The following PRKG1 variants were observed in gnomAD, a reference collection of about 807,000 sequenced individuals.
PRKG1 encodes cGMP-dependent protein kinase 1.
A neutral mutation model predicts 88.1 loss-of-function variants in PRKG1; 35 were observed. That is an observed-to-expected ratio of 0.40 (90% CI 0.30 to 0.53). PRKG1 has a LOEUF of 0.53. Ranked by LOEUF, PRKG1 falls within the 20% of genes least tolerant of loss-of-function variation. PRKG1 has a pLI of 0.59. For missense variants in PRKG1, 540 were observed against 839.8 expected (o/e 0.64, Z 4.41); for synonymous variants, 303 against 292.5 (o/e 1.04, Z -0.37).
intron 3 of PRKG1, among the ~76,000 whole-genome samples, chr10:51,671,905 G>A (rs1356279867): frequency 1.3e-5 from 2 of 152,044 alleles, no homozygotes; most frequent in African/African-American, 4.8e-5. Flanking sequence ...CTCTACTCCA[G>A]TATGACCTTT....
At chr10:51,366,812 C>T (rs1588885474) in intron 2 of PRKG1, among the ~76,000 whole-genome samples, 1 of 151,836 alleles carries the variant, frequency 6.6e-6, no homozygotes, top group African/African-American at 2.4e-5. Flanking sequence ...TCAAGTCTCT[C>T]ATTATTTTAA....
intron 2 of PRKG1, among the ~76,000 whole-genome samples, chr10:51,181,523 G>A (rs1200963178): frequency 3.3e-5 from 5 of 151,354 alleles, no homozygotes; most frequent in Non-Finnish European, 7.4e-5. Context: ...TTACAGGCGT[G>A]AGCCACCGCG....
At chr10:51,855,612 TCTC>T (rs930233490) in intron 4 of PRKG1, among the ~76,000 whole-genome samples, 1 of 152,194 alleles carries the variant, frequency 6.6e-6, no homozygotes, top group Admixed American at 6.5e-5. Flanking sequence ...CAAATTATTT[TCTC>T]CTATTTAAGG....
Position 51,168,750 on chromosome 10 carries a change from A to G in PRKG1, c.478+15420A>G, listed in dbSNP as rs1020886808. On this transcript the variant is annotated intron_variant, in intron 2 of 17. Transcript: ENST00000373980. ...ATATCTAGAACCGTGTTACAAAAGA[A>G]ATGTCTCTTAAATAGTCTTGATAAA... Among the ~76,000 whole-genome samples the G allele has an allele frequency of 2.2e-4, 33 of 152,196 alleles. 1 individual carries two copies. The highest frequency in any genetic ancestry group is 5.9e-5 in the Non-Finnish European group (4 of 68,010).
At position 52,079,331 on chromosome 10, in the gene PRKG1, A is replaced by T. The variant is rs550024054; in HGVS notation, c.935+16700A>T. On this transcript the variant is annotated intron_variant, in intron 7 of 17. Transcript: ENST00000373980. ...TCCCAGTATATCAAAGCACCACAAC[A>T]CTAGACTCAGGCAGTAGGACCCCTG... Among the ~76,000 whole-genome samples the T allele has an allele frequency of 3.9e-5, 6 of 152,170 alleles. No individual in the cohort carries two copies. In the South Asian group the frequency reaches 1.2e-3, roughly 32 times the overall value.
At chr10:51,831,841 A>C (rs752055179) in intron 4 of PRKG1, among the ~76,000 whole-genome samples, 6 of 152,194 alleles carry the variant, frequency 3.9e-5, no homozygotes, top group Non-Finnish European at 5.9e-5. Flanking sequence ...GTAGGTGGGC[A>C]AGAAGTAGGA....
intron 7 of PRKG1, among the ~76,000 whole-genome samples, chr10:52,079,735 G>T (rs139629566): frequency 6.8e-4 from 104 of 152,290 alleles, no homozygotes; most frequent in African/African-American, 2.4e-3. Context: ...GTCACCTATT[G>T]CCATATGGTT....
chr10:51,984,043 C>T (rs554477423), intron 5 of PRKG1, among the ~76,000 whole-genome samples: 29 of 152,256 alleles, frequency 1.9e-4, no homozygotes, highest in Admixed American at 1.6e-3. Context: ...CAGTCACTTA[C>T]GTTAAGAAGT....
At chr10:51,914,420 C>A (rs1475457178) in intron 5 of PRKG1, among the ~76,000 whole-genome samples, 1 of 152,028 alleles carries the variant, frequency 6.6e-6, no homozygotes, top group Non-Finnish European at 1.5e-5. Context: ...TTGAGGAAAA[C>A]CGAACTTTAT....
At chr10:51,216,540 G>A (rs1419155296) in intron 2 of PRKG1, among the ~76,000 whole-genome samples, 2 of 152,130 alleles carry the variant, frequency 1.3e-5, no homozygotes, top group East Asian at 3.8e-4. Flanking sequence ...ACCGTTTCAG[G>A]ACATTGGTGT....
chr10:51,175,624 A>G (rs1434716334), intron 2 of PRKG1, among the ~76,000 whole-genome samples: 1 of 152,014 alleles, frequency 6.6e-6, no homozygotes, highest in Non-Finnish European at 1.5e-5. Context: ...AATTCCTGAG[A>G]TATATATTTA....
chr10:51,609,897 T>C (rs557281446), intron 3 of PRKG1, among the ~76,000 whole-genome samples: 2 of 152,214 alleles, frequency 1.3e-5, no homozygotes, highest in African/African-American at 2.4e-5. Flanking sequence ...CTGGGCTTAA[T>C]ACCTAGGCGA....
chr10:52,133,560 C>T (rs535075478), intron 7 of PRKG1, among the ~76,000 whole-genome samples: 1 of 152,080 alleles, frequency 6.6e-6, no homozygotes, highest in South Asian at 2.1e-4. Context: ...TTATTAATTT[C>T]CCCAAAGGGA....
In PRKG1 at chr10:51,457,375, A is replaced by G. The variant is rs531878010; in HGVS notation, c.479-10348A>G. ...CTCACTTATAAGTGGGAGCTAAGCT[A>G]TAAGGACACAAAGACATAAGAATGA... On this transcript the variant is annotated intron_variant, in intron 2 of 17. Transcript: ENST00000373980. Among the ~76,000 whole-genome samples the G allele has an allele frequency of 2.6e-5, 4 of 152,288 alleles. No individual in the cohort carries two copies. The East Asian group carries it at 5.8e-4, about 22-fold the overall frequency.
chr10:51,126,213 A>G (rs1182769036), intron 1 of PRKG1, among the ~76,000 whole-genome samples: 4 of 121,842 alleles, frequency 3.3e-5, no homozygotes, highest in African/African-American at 1.3e-4. Context: ...ATTTATAATT[A>G]TTTATATATT....
At chr10:51,618,735 C>T (rs143586727) in intron 3 of PRKG1, among the ~76,000 whole-genome samples, 1 of 151,992 alleles carries the variant, frequency 6.6e-6, no homozygotes, top group East Asian at 1.9e-4. Flanking sequence ...CATTTCAAAT[C>T]ACTTAGGCAT....
At chr10:51,016,111 T>A (rs188701029) in intron 1 of PRKG1, among the ~76,000 whole-genome samples, 52 of 152,332 alleles carry the variant, frequency 3.4e-4, no homozygotes, top group African/African-American at 1.2e-3. Context: ...CAGTTTCAGT[T>A]GCTTTTATTT....
At chr10:51,093,376 G>C (rs1195486441) in intron 1 of PRKG1, among the ~76,000 whole-genome samples, 1 of 152,102 alleles carries the variant, frequency 6.6e-6, no homozygotes, top group Non-Finnish European at 1.5e-5. Context: ...ATTGGAAGCA[G>C]TTTATCCTGG....
intron 5 of PRKG1, among the ~76,000 whole-genome samples, chr10:52,005,772 G>A (rs1008609524): frequency 6.6e-6 from 1 of 152,020 alleles, no homozygotes; most frequent in African/African-American, 2.4e-5. Flanking sequence ...ACCTCCCATA[G>A]CCAAATGAGC....
Sources: allele counts gnomAD v4.1 joint callset (sites outside exome capture counted in the v4.1 genomes callset), GRCh38; gene constraint gnomAD v4.1.1; transcripts MANE v1.5; gene names NCBI Gene and HGNC (gene_info 2026-07-23, HGNC 2026-07-21).